The following COL4A4 variants were observed in gnomAD, a reference collection of about 807,000 sequenced individuals.
COL4A4 encodes collagen type IV alpha 4 chain.
A neutral mutation model predicts 192.9 loss-of-function variants in COL4A4; 105 were observed. The ratio of observed to expected loss-of-function variants is 0.54; its 90% CI spans 0.46 to 0.64. The LOEUF is 0.64. COL4A4 is among the 30% of genes least tolerant of loss of function. The pLI is 0.00. For synonymous variants in COL4A4, 762 were observed against 769.9 expected (o/e 0.99, Z 0.17); for missense variants, 1,967 against 2,169.3 (o/e 0.91, Z 1.85).
At chr2:227,065,560 G>C (rs958821731) in intron 25 of COL4A4, among the ~76,000 whole-genome samples, 2 of 152,180 alleles carry the variant, frequency 1.3e-5, no homozygotes, top group African/African-American at 2.4e-5. Context: ...TCCTCAAGTG[G>C]GTCCCTGACC....
intron 3 of COL4A4, among the ~76,000 whole-genome samples, chr2:227,142,437 G>C (rs909813030): frequency 6.6e-6 from 1 of 152,138 alleles, no homozygotes; most frequent in Non-Finnish European, 1.5e-5. Flanking sequence ...CTCAGATATT[G>C]TTAAACATAT....
chr2:227,000,129 A>ATAAT (rs1410948307), downstream of COL4A4, among the ~76,000 whole-genome samples: 2 of 152,234 alleles, frequency 1.3e-5, no homozygotes, highest in African/African-American at 4.8e-5. Context: ...TTAGTAGCAG[A>ATAAT]TAATTATTAA....
At position 227,010,392 on chromosome 2, in the gene COL4A4, G is replaced by A. The variant is rs759470234; in HGVS notation, c.4443C>T (p.Pro1481=). The change falls in exon 46 of 48, where the codon CCC becomes CCT. Residue 1481 remains proline (P), a synonymous_variant. Coordinates refer to ENST00000396625, the MANE Select transcript of COL4A4 (RefSeq NM_000092.5). ...CAGTCCAGAGCCTGGGCATGCCCAG[G>A]GGGCAGGTGGGCTCCTGGTCCGTCT... ...HSQTDQEPTC[P]LGMPRLWTGY... is the part of the protein sequence containing the mutation. The A allele has an allele frequency of 1.2e-6, 2 of 1,614,232 alleles. No individual in the cohort carries two copies. Among genetic ancestry groups the A allele is most frequent in the South Asian group, 2.2e-5 (2 of 91,086 alleles).
At chr2:227,089,981 G>T in intron 20 of COL4A4, 24 bp from the exon 21 acceptor site, 1 of 1,579,372 alleles carries the variant, frequency 6.3e-7, no homozygotes, top group South Asian at 1.1e-5. Context: ...AAGGGGGTGG[G>T]CAGAGAGAAT....
At chr2:227,094,615 A>T (rs986530847) in intron 19 of COL4A4, among the ~76,000 whole-genome samples, 3 of 152,194 alleles carry the variant, frequency 2.0e-5, no homozygotes, top group African/African-American at 7.2e-5. Context: ...TAAGTTCCAG[A>T]GATCTACTGT....
intron 37 of COL4A4, among the ~76,000 whole-genome samples, chr2:227,038,640 A>T (rs1265963973): frequency 6.6e-6 from 1 of 152,188 alleles, no homozygotes. Flanking sequence ...CATTTTTAGC[A>T]TATGTTTAAG....
intron 37 of COL4A4, among the ~76,000 whole-genome samples, chr2:227,035,394 T>G (rs1247163126): frequency 6.6e-6 from 1 of 152,238 alleles, no homozygotes; most frequent in Non-Finnish European, 1.5e-5. Flanking sequence ...AAGCAAGTCC[T>G]CTGTGTATTC....
At chr2:226,972,343 C>T in the COL4A4 span, among the ~76,000 whole-genome samples, 17 of 152,248 alleles carry the variant, frequency 1.1e-4, no homozygotes, top group South Asian at 2.7e-3. Context: ...GGAAAAAGCC[C>T]ACTTCTTAAG....
In COL4A4 at chr2:227,033,440, T is replaced by G; in HGVS notation, c.3547A>C (p.Lys1183Gln). 1 of 1,613,654 alleles carries G rather than the reference T, an allele frequency of 6.2e-7. No homozygotes were observed. The highest frequency in any genetic ancestry group is 8.5e-7 in the Non-Finnish European group (1 of 1,179,998). ...GCACCTTTAGTTCCTTTCTGACCTT[T>G]CAATCCATGCAAGCCGTTCAGGCCA... Reference protein sequence around the residue: ...SPGLNGLHGLKGQKGTKGASG... With the variant: ...SPGLNGLHGLQGQKGTKGASG... Residue 1183 changes from lysine to glutamine, a missense_variant, in exon 38 of 48, where the codon AAA (lysine) becomes CAA (glutamine). Physicochemically the swap from Lys to Gln is moderately conservative, Grantham distance 53 (BLOSUM62 1). Coordinates refer to ENST00000396625, the MANE Select transcript of COL4A4 (RefSeq NM_000092.5).
At chr2:227,146,827 C>T (rs1356207892) in intron 2 of COL4A4, among the ~76,000 whole-genome samples, 1 of 152,166 alleles carries the variant, frequency 6.6e-6, no homozygotes, top group Non-Finnish European at 1.5e-5. Context: ...GTAGTCAAAG[C>T]TCCTTCTCCG....
In COL4A4 at chr2:227,123,660, C is replaced by A. The variant is rs929042302; in HGVS notation, c.193-2512G>T. 2.0e-5 allele frequency among the ~76,000 whole-genome samples: 3 copies of A among 152,214 alleles called. No homozygotes were observed. The highest frequency in any genetic ancestry group is 7.2e-5 in the African/African-American group (3 of 41,454). On this transcript the variant is annotated intron_variant, in intron 4 of 47. Transcript: ENST00000396625. The surrounding 1 kb of genome is among the most constrained non-coding windows in gnomAD (Gnocchi z 4.6). ...GTGATGGGTATGGAGTGCCTGCCAA[C>A]TGTGCCTCCGGGGCTTTGGATAAAG...
intron 15 of COL4A4, among the ~76,000 whole-genome samples, chr2:227,102,305 T>G (rs1424003533): frequency 6.6e-6 from 1 of 152,226 alleles, no homozygotes; most frequent in Admixed American, 6.5e-5. Context: ...GAAACCAATA[T>G]TTCCCCATTC....
intron 19 of COL4A4, among the ~76,000 whole-genome samples, chr2:227,097,758 G>T (rs947730673): frequency 2.0e-5 from 3 of 152,130 alleles, no homozygotes; most frequent in Admixed American, 2.0e-4. Flanking sequence ...CCACCTTTGT[G>T]GTTATTGAAT....
At chr2:227,079,881 C>T (rs2059226450) in intron 24 of COL4A4, among the ~76,000 whole-genome samples, 2 of 152,152 alleles carry the variant, frequency 1.3e-5, no homozygotes, top group Non-Finnish European at 1.5e-5. Context: ...ATCATCTCAT[C>T]CTCTTCTTTT....
At chr2:226,988,637 A>G in the COL4A4 span, 1 of 1,328,100 alleles carries the variant, frequency 7.5e-7, no homozygotes, top group African/African-American at 1.5e-5. Flanking sequence ...TTGGCCCTGG[A>G]GCTTCTGAGA....
At chr2:227,041,848 G>GAAAGAGAGAGAGAGAA (rs1243663359) in intron 37 of COL4A4, among the ~76,000 whole-genome samples, 1 of 38,692 alleles carries the variant, frequency 2.6e-5, no homozygotes, top group African/African-American at 1.2e-4. Context: ...AAGAAAGAAA[G>GAAAGAGAGAGAGAGAA]AGAAAGAAAG....
chr2:227,032,845 G>T (rs1473260100), intron 38 of COL4A4, among the ~76,000 whole-genome samples: 1 of 152,182 alleles, frequency 6.6e-6, no homozygotes, highest in Non-Finnish European at 1.5e-5. Flanking sequence ...TGCATGTTAG[G>T]TTTCAGCTAC....
the COL4A4 span, among the ~76,000 whole-genome samples, chr2:226,974,769 T>C: frequency 6.6e-6 from 1 of 151,934 alleles, no homozygotes; most frequent in Non-Finnish European, 1.5e-5. Context: ...AGGCTGAGAG[T>C]CGTGAACTGT....
intron 25 of COL4A4, among the ~76,000 whole-genome samples, chr2:227,064,554 C>G (rs908452779): frequency 6.6e-6 from 1 of 152,096 alleles, no homozygotes; most frequent in Non-Finnish European, 1.5e-5. Context: ...AAATTCATTG[C>G]AAAAAGACCT....
Sources: allele counts gnomAD v4.1 joint callset (sites outside exome capture counted in the v4.1 genomes callset), GRCh38; gene constraint gnomAD v4.1.1; non-coding constraint Gnocchi (gnomAD v3.1); transcripts MANE v1.5; gene names NCBI Gene and HGNC (gene_info 2026-07-23, HGNC 2026-07-21).